Variants in PCNT observed in about 807,000 individuals in gnomAD.
The protein encoded by PCNT is kendrin.
Under a neutral mutation model 380.4 loss-of-function variants are expected in PCNT, and 319 were observed. That is an observed-to-expected ratio of 0.84 (90% CI 0.77 to 0.92). The LOEUF is 0.92. Among genes scored for constraint, PCNT ranks in the 40% least tolerant of loss-of-function variants. The pLI, the probability that PCNT is intolerant of heterozygous loss-of-function variation, is 0.00. For synonymous variants in PCNT, 1,845 were observed against 1,735.2 expected (o/e 1.06, Z -1.57); for missense variants, 4,400 against 4,255.3 (o/e 1.03, Z -0.95).
In PCNT at chr21:46,430,524, AGG is replaced by A; in HGVS notation, c.7932_7933del (p.Asn2646ArgfsTer12). ...CCACGCAGATCCATGCTGAGCAGTAAGGAGAACGAGCTGAAGGCCGCGCTTCA... is the reference window on the plus strand; with the variant it reads ...CCACGCAGATCCATGCTGAGCAGTAAAGAACGAGCTGAAGGCCGCGCTTCA... On this transcript the variant is annotated frameshift_variant, in exon 37 of 47. Coordinates refer to ENST00000359568, the MANE Select transcript of PCNT (RefSeq NM_006031.6). LOFTEE classifies it high-confidence loss of function. The A allele has an allele frequency of 6.4e-7, 1 of 1,552,620 alleles. No individual in the cohort carries two copies. The highest frequency in any genetic ancestry group is 1.4e-5 in the African/African-American group (1 of 73,280).
intron 45 of PCNT, among the ~76,000 whole-genome samples, 157 bp from the exon 46 acceptor site, chr21:46,444,537 G>A (rs2053698946): frequency 6.6e-6 from 1 of 152,112 alleles, no homozygotes; most frequent in African/African-American, 2.4e-5. Flanking sequence ...TTGTAATGAG[G>A]GATCTGAAGG....
At position 46,394,162 on chromosome 21, in the gene PCNT, C is replaced by T. The variant is rs1161397822; in HGVS notation, c.4216+2786C>T. On this transcript the variant is annotated intron_variant, in intron 21 of 46. Transcript: ENST00000359568. ...CAGCTACCGGCCCTGACCACTCTCC[C>T]GGCAGGGCCTAGGCTCTGACGGTGG... Among the ~76,000 whole-genome samples, 9 of 152,376 alleles carry T rather than the reference C, an allele frequency of 5.9e-5. No individual in the cohort carries two copies. In the East Asian group the frequency reaches 1.5e-3, roughly 26 times the overall value.
chr21:46,360,723 T>TTA (rs2084682980), intron 13 of PCNT, among the ~76,000 whole-genome samples: 1 of 150,484 alleles, frequency 6.6e-6, no homozygotes, highest in Non-Finnish European at 1.5e-5. Flanking sequence ...TTTCACCATG[T>TTA]TAGCCAGGAT....
Position 46,353,978 on chromosome 21 carries a change from T to A in PCNT, c.1680-9T>A. The A allele has an allele frequency of 6.2e-7, 1 of 1,611,436 alleles. No homozygotes were observed. Among genetic ancestry groups the A allele is most frequent in the East Asian group, 2.2e-5 (1 of 44,872 alleles). On this transcript the variant is annotated splice_polypyrimidine_tract_variant and intron_variant, in intron 10 of 46. Transcript: ENST00000359568. ...TGTGTAAAGCTTTTATAAAATGTTT[T>A]CCCTTCAGGTTGTCCTGTGTGGGTT...
chr21:46,371,226 T>C (rs2146986264), intron 15 of PCNT, among the ~76,000 whole-genome samples: 1 of 150,606 alleles, frequency 6.6e-6, no homozygotes, highest in Admixed American at 6.6e-5. Flanking sequence ...TTTTTTTTTT[T>C]TTTTTTTAAA....
rs936800419 is a variant in PCNT at position 46,325,207 on chromosome 21, C to T, written c.54+925C>T. On this transcript the variant is annotated intron_variant, in intron 1 of 46. Transcript: ENST00000359568. The stretch of plus-strand genomic sequence containing the variant: ...AACCGCGGGAGCAGGCCGGCCTCTG[C>T]GAGGTGCGCGCCGCTCCCCCCCAGG... 2.4e-5 allele frequency: 24 copies of T among 985,138 alleles called. No homozygotes were observed. The African/African-American group carries it at 3.1e-4, about 13-fold the overall frequency. 61.0% of individuals were successfully genotyped at this position (985,138 alleles called of 1,614,324 possible).
chr21:46,416,404 TATCAAAA>T lies in PCNT; in HGVS notation c.6489_6495del (p.Lys2164GlyfsTer4), dbSNP rs1308772984. Reference sequence around the variant, plus strand: ...CAACCCCAGGGGGTGTAACTGATGTTATCAAAAATTGGGATTCCTTGATACCAGATGA... The same window carrying T: ...CAACCCCAGGGGGTGTAACTGATGTTATTGGGATTCCTTGATACCAGATGA... On this transcript the variant is annotated frameshift_variant, in exon 30 of 47. Coordinates refer to ENST00000359568, the MANE Select transcript of PCNT (RefSeq NM_006031.6). LOFTEE classifies it high-confidence loss of function. 1 of 1,614,226 alleles carries T rather than the reference TATCAAAA, an allele frequency of 6.2e-7. No individual in the cohort carries two copies. The highest frequency in any genetic ancestry group is 2.2e-5 in the East Asian group (1 of 44,884).
In PCNT at chr21:46,428,481, G is replaced by A. The variant is rs780616856; in HGVS notation, c.7581G>A (p.Gln2527=). ...CCGAGATCCAGGCGCTGCGTGCCCA[G>A]CTGCGCATGACGCACCTGCAGAACC... ...LLSEIQALRA[Q]LRMTHLQNQE... Residue 2527 remains glutamine (Q), a synonymous_variant, in exon 35 of 47, where the codon CAG becomes CAA. Coordinates refer to ENST00000359568, the MANE Select transcript of PCNT (RefSeq NM_006031.6). 1.6e-5 allele frequency: 26 copies of A among 1,612,356 alleles called. No homozygotes were observed. Among genetic ancestry groups the A allele is most frequent in the Non-Finnish European group, 2.1e-5 (25 of 1,179,852 alleles).
At chr21:46,415,075 A>T (rs778634077) in intron 29 of PCNT, among the ~76,000 whole-genome samples, 1 of 152,242 alleles carries the variant, frequency 6.6e-6, no homozygotes, top group African/African-American at 2.4e-5. Context: ...AGCCCCTCGC[A>T]GCCCTCGTGA....
At chr21:46,405,923 A>G (rs920136945) in intron 27 of PCNT, among the ~76,000 whole-genome samples, 18 of 152,314 alleles carry the variant, frequency 1.2e-4, no homozygotes, top group African/African-American at 4.1e-4. Context: ...AGATATGTGC[A>G]AATTCGTACA....
intron 3 of PCNT, among the ~76,000 whole-genome samples, chr21:46,336,959 TA>T (rs949860362): frequency 3.9e-4 from 57 of 147,912 alleles, no homozygotes; most frequent in East Asian, 1.4e-3. Context: ...TTATTTACTT[TA>T]AAAAAAAAAA....
chr21:46,409,568 G>T (rs2086720277), intron 27 of PCNT, among the ~76,000 whole-genome samples: 1 of 152,058 alleles, frequency 6.6e-6, no homozygotes, highest in Admixed American at 6.5e-5. Flanking sequence ...TTTGCATTCA[G>T]GTCTCCTTGA....
At position 46,429,990 on chromosome 21, in the gene PCNT, T is replaced by A. The variant is rs187832327; in HGVS notation, c.7691-20T>A. On this transcript the variant is annotated intron_variant, in intron 35 of 46. Coordinates refer to ENST00000359568, the MANE Select transcript of PCNT (RefSeq NM_006031.6). ...CGAGGAGCTCATGGGGGCCTGTTACTGTTCTTTTGTCTTTCTCAGTTGAAC... is the reference window on the plus strand; with the variant it reads ...CGAGGAGCTCATGGGGGCCTGTTACAGTTCTTTTGTCTTTCTCAGTTGAAC... 1 of 1,607,248 alleles carries A rather than the reference T, an allele frequency of 6.2e-7. No homozygotes were observed. The highest frequency in any genetic ancestry group is 2.2e-5 in the East Asian group (1 of 44,854).
chr21:46,324,305 C>G (rs1469736084), intron 1 of PCNT, 23 bp downstream of exon 1: 2 of 1,588,360 alleles, frequency 1.3e-6, no homozygotes, highest in Non-Finnish European at 1.7e-6. Flanking sequence ...GGCTTCTTCT[C>G]TAGCTGCTCT....
intron 3 of PCNT, among the ~76,000 whole-genome samples, chr21:46,335,217 G>C (rs549816257): frequency 2.0e-5 from 3 of 152,180 alleles, no homozygotes; most frequent in Non-Finnish European, 4.4e-5. Context: ...TGTGCCAGTT[G>C]AGAGCCTGGC....
intron 40 of PCNT, among the ~76,000 whole-genome samples, chr21:46,437,898 C>T (rs1569308447): frequency 1.3e-5 from 2 of 152,210 alleles, no homozygotes; most frequent in Admixed American, 6.5e-5. Flanking sequence ...GAACTAACAA[C>T]GGTCCAGCCA....
At chr21:46,399,985 T>G (rs2086367214) in intron 25 of PCNT, among the ~76,000 whole-genome samples, 189 bp downstream of exon 25, 1 of 152,228 alleles carries the variant, frequency 6.6e-6, no homozygotes, top group Non-Finnish European at 1.5e-5. Flanking sequence ...CTTTGACCTT[T>G]CTGGAGATTG....
Position 46,430,488 on chromosome 21 carries a change from C to T in PCNT, c.7914-19C>T. The T allele has an allele frequency of 6.5e-7, 1 of 1,549,834 alleles. No homozygotes were observed. The highest frequency in any genetic ancestry group is 8.7e-7 in the Non-Finnish European group (1 of 1,147,034). ...CTCTGGCCCACGTGGTCAGATTGTTCTGCGATGTCTCCACGCAGATCCATG... is the reference window on the plus strand; with the variant it reads ...CTCTGGCCCACGTGGTCAGATTGTTTTGCGATGTCTCCACGCAGATCCATG... On this transcript the variant is annotated intron_variant, in intron 36 of 46. Coordinates refer to ENST00000359568, the MANE Select transcript of PCNT (RefSeq NM_006031.6).
chr21:46,340,771 G>A (rs1222111122), intron 3 of PCNT, among the ~76,000 whole-genome samples: 2 of 152,160 alleles, frequency 1.3e-5, no homozygotes, highest in African/African-American at 4.8e-5. Flanking sequence ...CCAGGTTCAA[G>A]TGATTCTCCT....
Sources: allele counts gnomAD v4.1 joint callset (sites outside exome capture counted in the v4.1 genomes callset), GRCh38; gene constraint gnomAD v4.1.1; transcripts MANE v1.5; gene names NCBI Gene and HGNC (gene_info 2026-07-23, HGNC 2026-07-21).